The following LMNTD1 variants were observed in gnomAD, a reference collection of about 807,000 sequenced individuals.
LMNTD1 encodes lamin tail domain containing 1, also known as lamin tail domain-containing protein 1.
A neutral mutation model predicts 50.9 loss-of-function variants in LMNTD1; 35 were observed. That is an observed-to-expected ratio of 0.69 (90% CI 0.53 to 0.91). The LOEUF (loss-of-function observed/expected upper bound fraction) is 0.91. Among genes scored for constraint, LMNTD1 ranks in the 40% least tolerant of loss-of-function variants. The pLI, the probability that LMNTD1 is intolerant of heterozygous loss-of-function variation, is 0.00. For missense variants in LMNTD1, 470 were observed against 475.5 expected (o/e 0.99, Z 0.11); for synonymous variants, 153 against 161.9 (o/e 0.94, Z 0.42).
chr12:25,569,788 C>T (rs1026283303), intron 1 of LMNTD1, among the ~76,000 whole-genome samples: 2 of 152,150 alleles, frequency 1.3e-5, no homozygotes, highest in African/African-American at 4.8e-5. Flanking sequence ...TTCCCCTTTG[C>T]CTTCCACCAT....
chr12:25,527,038 C>CT (rs1378060028), intron 4 of LMNTD1, 83 bp from the exon 5 acceptor site: 4 of 942,178 alleles, frequency 4.2e-6, no homozygotes, highest in African/African-American at 1.7e-5. Context: ...TAATAAACTG[C>CT]TTGAAAGTTG....
chr12:25,478,575 A>T (rs185308315), intron 9 of LMNTD1, among the ~76,000 whole-genome samples: 90 of 152,308 alleles, frequency 5.9e-4, no homozygotes, highest in African/African-American at 2.0e-3. Context: ...ACCTGAGGTC[A>T]GGAGTTCGAG....
At chr12:25,646,823 G>A (rs548987300) in intron 1 of LMNTD1, among the ~76,000 whole-genome samples, 1 of 152,326 alleles carries the variant, frequency 6.6e-6, no homozygotes, top group East Asian at 1.9e-4. Context: ...AAATGTAAAT[G>A]CAAACCAGCT....
At chr12:25,559,182 C>T (rs1297024175) in intron 1 of LMNTD1, among the ~76,000 whole-genome samples, 3 of 152,010 alleles carry the variant, frequency 2.0e-5, no homozygotes, top group Non-Finnish European at 4.4e-5. Context: ...TCTCCTAATG[C>T]TATACCTCCC....
intron 9 of LMNTD1, among the ~76,000 whole-genome samples, chr12:25,489,017 A>C (rs562271766): frequency 2.0e-5 from 3 of 152,266 alleles, no homozygotes; most frequent in East Asian, 3.9e-4. Context: ...TGGGAGAACC[A>C]CTGCTCTCTT....
At chr12:25,621,620 AAATG>A (rs1946474509) in intron 1 of LMNTD1, among the ~76,000 whole-genome samples, 2 of 152,292 alleles carry the variant, frequency 1.3e-5, no homozygotes, top group Admixed American at 1.3e-4. Context: ...CATATTTCTT[AAATG>A]AATAATTCTG....
intron 9 of LMNTD1, among the ~76,000 whole-genome samples, chr12:25,481,799 A>C (rs1938453078): frequency 6.6e-6 from 1 of 150,616 alleles, no homozygotes; most frequent in African/African-American, 2.5e-5. Flanking sequence ...AGGTTCTTTC[A>C]AATCGCAACC....
rs71705893 is a variant in LMNTD1 at position 25,612,290 on chromosome 12, TCACACACACACACA to T, written c.58+36190_58+36203del. 1.2e-4 allele frequency among the ~76,000 whole-genome samples: 13 copies of T among 107,118 alleles called. 1 individual carries two copies. The highest frequency in any genetic ancestry group is 3.3e-4 in the African/African-American group (11 of 33,558). 70.3% of individuals were successfully genotyped at this position (107,118 alleles called of 152,430 possible). The stretch of plus-strand genomic sequence containing the variant: ...GTTCTATCTGAGTCTCTAAGGTCCC[TCACACACACACACA>T]CACACACACACACACACACACACAC... On this transcript the variant is annotated intron_variant, in intron 1 of 7. Coordinates refer to the LMNTD1 transcript ENST00000445693.
intron 9 of LMNTD1, among the ~76,000 whole-genome samples, chr12:25,493,253 A>G (rs575418015): frequency 6.6e-6 from 1 of 152,330 alleles, no homozygotes; most frequent in African/African-American, 2.4e-5. Context: ...GATGCTCAAA[A>G]AATATCTGAT....
intron 9 of LMNTD1, among the ~76,000 whole-genome samples, chr12:25,481,518 G>A (rs952317276): frequency 3.3e-5 from 5 of 151,892 alleles, no homozygotes; most frequent in African/African-American, 7.3e-5. Context: ...TTTGATACAC[G>A]TGTCTGACGT....
At position 25,515,417 on chromosome 12, in the gene LMNTD1, T is replaced by C. The variant is rs139785786; in HGVS notation, c.1189+3378A>G. Among the ~76,000 whole-genome samples, 21 of 152,144 alleles carry C rather than the reference T, an allele frequency of 1.4e-4. No individual in the cohort carries two copies. In the East Asian group the frequency reaches 3.9e-3, roughly 28 times the overall value. Reference sequence around the variant, plus strand: ...GGCACATTTAGCATGATGCCATTTATGTAAATTAAAAATACACAAATTATT... The same window carrying C: ...GGCACATTTAGCATGATGCCATTTACGTAAATTAAAAATACACAAATTATT... On this transcript the variant is annotated intron_variant, in intron 8 of 9. Coordinates refer to ENST00000458174, the MANE Select transcript of LMNTD1 (RefSeq NM_001145728.2).
At chr12:25,586,154 G>A (rs947768638) in intron 1 of LMNTD1, 1 of 152,138 alleles carries the variant, frequency 6.6e-6, no homozygotes, top group Admixed American at 6.5e-5. Flanking sequence ...ATTTTATACA[G>A]TAAAAGTACT....
intron 9 of LMNTD1, among the ~76,000 whole-genome samples, chr12:25,495,715 G>T (rs1939039369): frequency 6.6e-6 from 1 of 152,128 alleles, no homozygotes; most frequent in South Asian, 2.1e-4. Context: ...CATCAGAGAT[G>T]AGTCTATCTT....
chr12:25,491,085 C>T (rs1049621609), intron 9 of LMNTD1, among the ~76,000 whole-genome samples: 6 of 152,332 alleles, frequency 3.9e-5, no homozygotes, highest in Admixed American at 1.3e-4. Flanking sequence ...GGCCCAGTGC[C>T]GCCTGAGGAT....
At chr12:25,575,884 CCT>C (rs1460018508) in intron 1 of LMNTD1, among the ~76,000 whole-genome samples, 4 of 152,104 alleles carry the variant, frequency 2.6e-5, no homozygotes, top group Non-Finnish European at 5.9e-5. Context: ...TGTTCTCCAC[CCT>C]GTGTCCAAGT....
At chr12:25,515,946 T>C (rs1447598665) in intron 8 of LMNTD1, among the ~76,000 whole-genome samples, 5 of 97,658 alleles carry the variant, frequency 5.1e-5, no homozygotes, top group Non-Finnish European at 1.2e-4. Flanking sequence ...GTCTGGTTTT[T>C]TTTCTTTGCC....
chr12:25,495,249 C>CGCGTGCGT (rs1555208226), intron 9 of LMNTD1, among the ~76,000 whole-genome samples: 1 of 144,668 alleles, frequency 6.9e-6, no homozygotes, highest in Admixed American at 7.0e-5. Context: ...AAAGTGTGTA[C>CGCGTGCGT]GTGTGTGTGT....
intron 1 of LMNTD1, among the ~76,000 whole-genome samples, chr12:25,643,065 T>C (rs1168942798): frequency 6.6e-6 from 1 of 152,190 alleles, no homozygotes; most frequent in African/African-American, 2.4e-5. Context: ...GGATTAATAG[T>C]CCTTTAAGAA....
chr12:25,515,963 T>TAA (rs58391930), intron 8 of LMNTD1, among the ~76,000 whole-genome samples: 112,273 of 151,744 alleles, frequency 0.74, 42,464 homozygotes, highest in East Asian at 0.88. Flanking sequence ...TGCCAGCTAT[T>TAA]GTGTGTGCTA....
Sources: allele counts gnomAD v4.1 joint callset (sites outside exome capture counted in the v4.1 genomes callset), GRCh38; gene constraint gnomAD v4.1.1; transcripts MANE v1.5; gene names NCBI Gene and HGNC (gene_info 2026-07-23, HGNC 2026-07-21).